KCNK13: variants seen among roughly 807,000 people sequenced by gnomAD.
The protein encoded by KCNK13 is potassium channel subfamily K member 13.
A neutral mutation model predicts 23.4 loss-of-function variants in KCNK13; 12 were observed. That is an observed-to-expected ratio of 0.51 (90% confidence interval 0.33 to 0.83). The LOEUF is 0.83. Among genes scored for constraint, KCNK13 ranks in the 40% least tolerant of loss-of-function variants. The pLI, the probability that KCNK13 is intolerant of heterozygous loss-of-function variation, is 0.02. For synonymous variants in KCNK13, 231 were observed against 229.5 expected (o/e 1.01, Z -0.06); for missense variants, 463 against 556.3 (o/e 0.83, Z 1.69).
At chr14:90,180,277 G>C (rs980866195) in intron 1 of KCNK13, among the ~76,000 whole-genome samples, 1 of 152,134 alleles carries the variant, frequency 6.6e-6, no homozygotes, top group Non-Finnish European at 1.5e-5. Context: ...CAGAGGAAAG[G>C]CCTTTGATAA....
intron 1 of KCNK13, among the ~76,000 whole-genome samples, chr14:90,147,406 C>T (rs1041632785): frequency 2.1e-5 from 3 of 141,940 alleles, no homozygotes; most frequent in Admixed American, 7.3e-5. Flanking sequence ...TGCTACCACA[C>T]CTGGCTTGTT....
At chr14:90,178,919 T>C (rs1890454769) in intron 1 of KCNK13, among the ~76,000 whole-genome samples, 1 of 152,144 alleles carries the variant, frequency 6.6e-6, no homozygotes, top group South Asian at 2.1e-4. Context: ...AGATTGTTAA[T>C]GAATGAAAGA....
intron 1 of KCNK13, among the ~76,000 whole-genome samples, chr14:90,072,728 A>G (rs747088764): frequency 7.9e-5 from 12 of 152,224 alleles, no homozygotes; most frequent in African/African-American, 2.7e-4. Context: ...ATCTATAAGT[A>G]TGTATGGACT....
At chr14:90,174,461 G>A (rs1890400491) in intron 1 of KCNK13, among the ~76,000 whole-genome samples, 1 of 152,138 alleles carries the variant, frequency 6.6e-6, no homozygotes, top group South Asian at 2.1e-4. Flanking sequence ...TATAATATGA[G>A]GTGACATTTG....
At chr14:90,158,722 A>G (rs1348927880) in intron 1 of KCNK13, among the ~76,000 whole-genome samples, 1 of 152,196 alleles carries the variant, frequency 6.6e-6, no homozygotes, top group Non-Finnish European at 1.5e-5. Context: ...CTTTCCAAAT[A>G]TTTGACAAAC....
At chr14:90,097,888 T>C (rs1889430317) in intron 1 of KCNK13, among the ~76,000 whole-genome samples, 2 of 152,260 alleles carry the variant, frequency 1.3e-5, no homozygotes, top group South Asian at 4.2e-4. Context: ...GTAATGAGTA[T>C]ATAATGAGGG....
At chr14:90,098,843 G>C (rs1889441758) in intron 1 of KCNK13, among the ~76,000 whole-genome samples, 1 of 152,244 alleles carries the variant, frequency 6.6e-6, no homozygotes, top group Non-Finnish European at 1.5e-5. Flanking sequence ...CTTTGGGGGG[G>C]CCGAGGCAGG....
rs962776313 is a variant in KCNK13, at chr14:90,184,305, A to G, written c.529A>G (p.Lys177Glu). Reference protein sequence around the residue: ...RRGALPQESLKDAGQCEVDSL... With the variant: ...RRGALPQESLEDAGQCEVDSL... The stretch of plus-strand genomic sequence containing the variant: ...AGGGGCCCTGCCCCAGGAGAGCCTG[A>G]AGGATGCGGGGCAGTGTGAGGTGGA... The change falls in exon 2 of 2, where the codon AAG becomes GAG. Residue 177 changes from lysine to glutamate, a missense_variant. By Grantham distance (56) the Lys-to-Glu change is moderately conservative. Transcript: ENST00000282146. The surrounding 1 kb of genome is among the most constrained non-coding windows in gnomAD (Gnocchi z 5.6). The G allele has an allele frequency of 6.2e-7, 1 of 1,614,114 alleles. No homozygotes were observed. Among genetic ancestry groups the G allele is most frequent in the African/African-American group, 1.3e-5 (1 of 74,952 alleles).
In KCNK13 at chr14:90,095,354, T is replaced by C. The variant is rs1889398662; in HGVS notation, c.334+32815T>C. Among the ~76,000 whole-genome samples, 3 of 152,218 alleles carry C rather than the reference T, an allele frequency of 2.0e-5. No homozygotes were observed. In the South Asian group the frequency reaches 6.2e-4, roughly 32 times the overall value. On this transcript the variant is annotated intron_variant, in intron 1 of 1. Transcript: ENST00000282146. ...AACTGCCGTGAAGACTTGACTGGGC[T>C]TTTGATTCAGTAGCTCTGAGACAGA... is the stretch of plus-strand genomic sequence containing the variant.
At chr14:90,148,526 C>T (rs1335664097) in intron 1 of KCNK13, among the ~76,000 whole-genome samples, 1 of 152,138 alleles carries the variant, frequency 6.6e-6, no homozygotes, top group Non-Finnish European at 1.5e-5. Context: ...AGAAAGTGGC[C>T]ATTGAACTAG....
intron 1 of KCNK13, among the ~76,000 whole-genome samples, chr14:90,098,372 T>G (rs1889436044): frequency 6.6e-6 from 1 of 152,226 alleles, no homozygotes; most frequent in African/African-American, 2.4e-5. Flanking sequence ...ATAATTTATA[T>G]AACAATATTA....
At chr14:90,101,244 GTC>G (rs1462041637) in intron 1 of KCNK13, among the ~76,000 whole-genome samples, 1 of 152,104 alleles carries the variant, frequency 6.6e-6, no homozygotes, top group African/African-American at 2.4e-5. Flanking sequence ...TTGTTGTTCA[GTC>G]TCTCTCTGAA....
chr14:90,091,724 G>T (rs1950645981), intron 1 of KCNK13, among the ~76,000 whole-genome samples: 1 of 150,488 alleles, frequency 6.6e-6, no homozygotes, highest in Admixed American at 6.6e-5. Context: ...GAGTGCTCCT[G>T]AAGATGATTT....
chr14:90,122,877 C>A (rs1249521539), intron 1 of KCNK13, among the ~76,000 whole-genome samples: 1 of 152,192 alleles, frequency 6.6e-6, no homozygotes, highest in Admixed American at 6.5e-5. Flanking sequence ...CAAAATCAGG[C>A]AGGCTGTGGA....
chr14:90,065,474 G>A (rs948390024), intron 1 of KCNK13, among the ~76,000 whole-genome samples: 8 of 152,118 alleles, frequency 5.3e-5, no homozygotes, highest in Non-Finnish European at 1.0e-4. Context: ...GATACAGGTC[G>A]GTGCAAGGGA....
chr14:90,085,668 AT>A (rs971529256), intron 1 of KCNK13, among the ~76,000 whole-genome samples: 12 of 142,240 alleles, frequency 8.4e-5, no homozygotes, highest in South Asian at 2.1e-4. Context: ...TCAAAAAAAA[AT>A]ATATATATAT....
intron 1 of KCNK13, among the ~76,000 whole-genome samples, chr14:90,122,786 T>C (rs1596787571): frequency 3.3e-5 from 5 of 152,302 alleles, no homozygotes; most frequent in Admixed American, 3.3e-4. Flanking sequence ...GCTGAGCTGA[T>C]AGAAGAAAAG....
At chr14:90,105,626 C>T (rs1348141066) in intron 1 of KCNK13, among the ~76,000 whole-genome samples, 1 of 152,000 alleles carries the variant, frequency 6.6e-6, no homozygotes, top group Non-Finnish European at 1.5e-5. Context: ...CTACAAAATC[C>T]ATTGTCTCCC....
intron 1 of KCNK13, among the ~76,000 whole-genome samples, chr14:90,092,519 A>G (rs1173019281): frequency 1.3e-5 from 2 of 152,208 alleles, no homozygotes; most frequent in African/African-American, 4.8e-5. Context: ...ACAGAGGTCA[A>G]AGGGAGCATT....
Sources: gnomAD v4.1 joint callset for allele counts (sites outside exome capture counted in the v4.1 genomes callset) on GRCh38, gnomAD v4.1.1 for gene constraint, Gnocchi (gnomAD v3.1) non-coding constraint, MANE v1.5 for transcripts, NCBI Gene and HGNC (gene_info 2026-07-23, HGNC 2026-07-21) for gene names.